The following STIM1 variants were observed in gnomAD, a reference collection of about 807,000 sequenced individuals.
STIM1 encodes the protein stromal interaction molecule 1.
STIM1 carries 25 observed loss-of-function variants against 74.7 expected under a neutral mutation model. The ratio of observed to expected loss-of-function variants is 0.33; its 90% CI spans 0.24 to 0.47. The LOEUF (loss-of-function observed/expected upper bound fraction) is 0.47, where lower values mean the gene tolerates loss of function less well. Ranked by LOEUF, STIM1 falls within the 20% of genes least tolerant of loss-of-function variation. The probability of loss-of-function intolerance (pLI) is 1.00; values close to 1 mark genes in which losing one functional copy is unlikely to be tolerated. For synonymous variants in STIM1, 328 were observed against 348.8 expected (o/e 0.94, Z 0.66); for missense variants, 728 against 920.8 (o/e 0.79, Z 2.71).
intron 1 of STIM1, among the ~76,000 whole-genome samples, chr11:3,926,270 A>C (rs568056039): frequency 1.3e-5 from 2 of 152,226 alleles, no homozygotes; most frequent in South Asian, 4.1e-4. Flanking sequence ...CACACTGGGG[A>C]GCTCCCATCT....
intron 2 of STIM1, among the ~76,000 whole-genome samples, chr11:3,992,089 G>GTTTTTTTTTTTT (rs75377604): frequency 7.8e-4 from 74 of 95,382 alleles, no homozygotes; most frequent in African/African-American, 9.2e-4. Context: ...CTGTTTTTTT[G>GTTTTTTTTTTTT]TTTTTTTTTT....
At chr11:3,961,612 G>A (rs12283447) in intron 1 of STIM1, 37,193 of 151,574 alleles carry the variant, frequency 0.25, 5,742 homozygotes, top group South Asian at 0.45. Context: ...GGGTTCAAGC[G>A]ATTATCCTGC....
intron 1 of STIM1, among the ~76,000 whole-genome samples, chr11:3,886,110 G>C (rs2091694834): frequency 6.6e-6 from 1 of 152,194 alleles, no homozygotes; most frequent in South Asian, 2.1e-4. Context: ...GGGATATAAA[G>C]AATGAATTGT....
chr11:4,035,565 T>C lies in STIM1; in HGVS notation c.385+11578T>C, dbSNP rs536628021. 2.6e-5 allele frequency among the ~76,000 whole-genome samples: 4 copies of C among 152,238 alleles called. No individual in the cohort carries two copies. In the South Asian group the frequency reaches 8.3e-4, roughly 32 times the overall value. On this transcript the variant is annotated intron_variant, in intron 3 of 12. Transcript: ENST00000526596. ...GACTTAGCTCAAAATATTTTATATT[T>C]CCTTTTTGACATCTTTAGTTCACAA...
At chr11:4,086,257 T>A (rs1050718197) in intron 11 of STIM1, 10 of 599,872 alleles carry the variant, frequency 1.7e-5, no homozygotes, top group Non-Finnish European at 2.9e-5. Context: ...GGTCTCCTTC[T>A]ATTGGAATTG....
chr11:4,089,472 C>T (rs2094511239), intron 12 of STIM1, among the ~76,000 whole-genome samples: 1 of 152,168 alleles, frequency 6.6e-6, no homozygotes, highest in Admixed American at 6.5e-5. Context: ...TGGAGAGGAT[C>T]ATCTTGGGGC....
intron 1 of STIM1, among the ~76,000 whole-genome samples, chr11:3,924,344 G>A (rs1452621859): frequency 2.0e-5 from 3 of 151,488 alleles, no homozygotes; most frequent in South Asian, 2.1e-4. Context: ...GACTACAGGC[G>A]CCCACCACCA....
rs116133285 is a variant in STIM1, at chr11:3,997,035, A to G, written c.271-26838A>G. Among the ~76,000 whole-genome samples the G allele has an allele frequency of 9.4e-3, 1,436 of 152,300 alleles. 26 individuals carry two copies. Among genetic ancestry groups the G allele is most frequent in the African/African-American group, 0.033 (1,358 of 41,566 alleles). ...AGACAGTATTCTTTGGCTAGCTTGG[A>G]TACTTTGGTTCTGACAGTTTGTAAG... On this transcript the variant is annotated intron_variant, in intron 2 of 12. Coordinates refer to ENST00000526596, the MANE Select transcript of STIM1 (RefSeq NM_001382567.1).
chr11:4,034,315 T>C (rs1193636313), intron 3 of STIM1, among the ~76,000 whole-genome samples: 4 of 152,110 alleles, frequency 2.6e-5, no homozygotes, highest in African/African-American at 9.7e-5. Flanking sequence ...TCTCTACTCC[T>C]AGTTTGCTGA....
intron 1 of STIM1, among the ~76,000 whole-genome samples, chr11:3,940,043 A>G (rs1231289954): frequency 6.6e-6 from 1 of 152,246 alleles, no homozygotes; most frequent in African/African-American, 2.4e-5. Flanking sequence ...AGTGACTCAT[A>G]GACTTCACTA....
chr11:3,952,516 T>A (rs2093161897), intron 1 of STIM1, among the ~76,000 whole-genome samples: 1 of 130,800 alleles, frequency 7.6e-6, no homozygotes, highest in Non-Finnish European at 1.6e-5. Flanking sequence ...ACTGATTTTT[T>A]CAGGTAAGAA....
Position 4,070,143 on chromosome 11 carries a change from T to C in STIM1, c.731T>C (p.Met244Thr), listed in dbSNP as rs2094394920. ...TACTCCAAGGAGCACATGAAGAAGA[T>C]GATGAAGGACTTGGAGGGGTTACAC... ...NRYSKEHMKKMMKDLEGLHRA... is the reference protein window; with the variant it reads ...NRYSKEHMKKTMKDLEGLHRA... The change falls in exon 6 of 13, where the codon ATG becomes ACG. Residue 244 changes from methionine (M) to threonine (T), a missense_variant. Around this residue, in one of 5 missense-constraint regions of STIM1, gnomAD observed 132 missense variants for 158.2 expected, o/e 0.83. Transcript: ENST00000526596. 1.2e-6 allele frequency: 2 copies of C among 1,614,170 alleles called. No individual in the cohort carries two copies. The highest frequency in any genetic ancestry group is 8.5e-7 in the Non-Finnish European group (1 of 1,180,026).
chr11:3,985,336 T>G (rs979566713), intron 2 of STIM1, among the ~76,000 whole-genome samples: 1 of 152,180 alleles, frequency 6.6e-6, no homozygotes, highest in African/African-American at 2.4e-5. Flanking sequence ...TGTGCCTTTG[T>G]GTTTGTGTTT....
intron 1 of STIM1, among the ~76,000 whole-genome samples, chr11:3,886,233 A>C (rs1230450183): frequency 6.6e-6 from 1 of 152,232 alleles, no homozygotes; most frequent in Non-Finnish European, 1.5e-5. Flanking sequence ...TAAAATAGAG[A>C]AAGACGGATA....
At chr11:4,033,431 A>G (rs2094069490) in intron 3 of STIM1, among the ~76,000 whole-genome samples, 1 of 152,154 alleles carries the variant, frequency 6.6e-6, no homozygotes, top group South Asian at 2.1e-4. Context: ...AGATTTCATC[A>G]CATTTTTTTC....
intron 1 of STIM1, among the ~76,000 whole-genome samples, chr11:3,914,861 C>T (rs561741554): frequency 2.6e-5 from 4 of 152,256 alleles, no homozygotes; most frequent in South Asian, 4.1e-4. Context: ...ATTTTACATT[C>T]CCATCAGCAG....
At chr11:3,891,813 T>A (rs2091903862) in intron 1 of STIM1, among the ~76,000 whole-genome samples, 1 of 152,212 alleles carries the variant, frequency 6.6e-6, no homozygotes, top group African/African-American at 2.4e-5. Flanking sequence ...AGCATAGAGA[T>A]GAGCAAACAT....
chr11:3,993,701 A>G (rs1455976468), intron 2 of STIM1, among the ~76,000 whole-genome samples: 1 of 152,116 alleles, frequency 6.6e-6, no homozygotes. Flanking sequence ...ATTCTTTGTC[A>G]TTTGTCATAC....
chr11:3,957,694 T>C (rs143849316), intron 1 of STIM1, among the ~76,000 whole-genome samples: 4 of 152,232 alleles, frequency 2.6e-5, no homozygotes, highest in Non-Finnish European at 5.9e-5. Context: ...TGGCTGGGAC[T>C]ACAGGTGCAC....
Sources: gnomAD v4.1 joint callset for allele counts (sites outside exome capture counted in the v4.1 genomes callset) on GRCh38, gnomAD v4.1.1 for gene constraint, gnomAD v4.1.1 regional missense constraint, MANE v1.5 for transcripts, NCBI Gene and HGNC (gene_info 2026-07-23, HGNC 2026-07-21) for gene names.